The following SPAST variants were observed in gnomAD, a reference collection of about 807,000 sequenced individuals.
SPAST encodes spastin.
In SPAST, 30 loss-of-function variants were observed where a neutral mutation model predicts 76.6. That is an observed-to-expected ratio of 0.39 (90% confidence interval 0.29 to 0.53). SPAST has a LOEUF of 0.53. Among genes scored for constraint, SPAST ranks in the 20% least tolerant of loss-of-function variants. SPAST has a pLI of 0.68. For synonymous variants in SPAST, 305 were observed against 281.0 expected (o/e 1.09, Z -0.86); for missense variants, 717 against 770.5 (o/e 0.93, Z 0.82).
chr2:32,116,900 G>A (rs1678855485), intron 7 of SPAST, among the ~76,000 whole-genome samples: 1 of 152,130 alleles, frequency 6.6e-6, no homozygotes, highest in African/African-American at 2.4e-5. Context: ...CCAGGAGGCA[G>A]AGGTTGCAGT....
At chr2:32,108,389 A>G (rs534513534) in intron 4 of SPAST, among the ~76,000 whole-genome samples, 14 of 152,264 alleles carry the variant, frequency 9.2e-5, no homozygotes, top group Admixed American at 3.9e-4. Context: ...TTCATATACA[A>G]TGCTTTAACT....
chr2:32,092,405 T>G (rs1397412476), intron 3 of SPAST, among the ~76,000 whole-genome samples: 1 of 151,894 alleles, frequency 6.6e-6, no homozygotes, highest in East Asian at 1.9e-4. Flanking sequence ...CAGAATAAAT[T>G]TGATTGTGGA....
chr2:32,088,399 C>G (rs555890082), intron 2 of SPAST, among the ~76,000 whole-genome samples: 1 of 151,818 alleles, frequency 6.6e-6, no homozygotes, highest in Non-Finnish European at 1.5e-5. Context: ...AATCCCAGCA[C>G]TTTGGGAGGC....
intron 3 of SPAST, among the ~76,000 whole-genome samples, chr2:32,097,999 T>TC (rs1677986032): frequency 6.6e-6 from 1 of 151,964 alleles, no homozygotes; most frequent in South Asian, 2.1e-4. Context: ...CGCCTGGCTG[T>TC]CCTTTCTTTT....
chr2:32,097,660 G>A (rs1009470199), intron 3 of SPAST, among the ~76,000 whole-genome samples: 2 of 145,828 alleles, frequency 1.4e-5, no homozygotes, highest in Non-Finnish European at 3.0e-5. Context: ...TTTAAATGCT[G>A]TTCTCCTTCC....
chr2:32,133,816 C>T (rs574710951), intron 9 of SPAST, among the ~76,000 whole-genome samples: 1 of 152,184 alleles, frequency 6.6e-6, no homozygotes, highest in Non-Finnish European at 1.5e-5. Context: ...TTAACTGTCA[C>T]CTCCACTAGA....
chr2:32,111,970 TTAGTAGTAG>T (rs55815291), intron 4 of SPAST, among the ~76,000 whole-genome samples: 1,476 of 141,280 alleles, frequency 0.01, 17 homozygotes, highest in African/African-American at 0.029. Context: ...TATAATTAAG[TTAGTAGTAG>T]TAGTAGTAGT....
chr2:32,080,849 C>T (rs1034900401), intron 1 of SPAST, among the ~76,000 whole-genome samples: 2 of 129,098 alleles, frequency 1.5e-5, no homozygotes, highest in African/African-American at 5.8e-5. Flanking sequence ...AGCTGCAGTG[C>T]CATGGCACGA....
intron 16 of SPAST, among the ~76,000 whole-genome samples, chr2:32,153,191 G>A (rs552628112): frequency 3.9e-5 from 6 of 152,090 alleles, no homozygotes; most frequent in South Asian, 2.1e-4. Flanking sequence ...TTTAAAATAC[G>A]GATAAATACC....
Position 32,147,906 on chromosome 2 carries a change from C to T in SPAST, c.1728+648C>T, listed in dbSNP as rs182106637. Among the ~76,000 whole-genome samples the T allele has an allele frequency of 5.3e-3, 791 of 148,946 alleles. 7 individuals are homozygous for T. Among genetic ancestry groups the T allele is most frequent in the African/African-American group, 0.016 (653 of 40,368 alleles). On this transcript the variant is annotated intron_variant, in intron 16 of 16. Coordinates refer to ENST00000315285, the MANE Select transcript of SPAST (RefSeq NM_014946.4). Reference sequence around the variant, plus strand: ...TCAGCCTCCCAAAGTGCTGGGATTACAGGCGTGAGCCACTGCGCCCGGCCT... The same window carrying T: ...TCAGCCTCCCAAAGTGCTGGGATTATAGGCGTGAGCCACTGCGCCCGGCCT...
Position 32,126,969 on chromosome 2 carries a change from C to A in SPAST, c.1120C>A (p.Pro374Thr), listed in dbSNP as rs1553316810. ...RPELFTGLRA[P>T]ARGLLLFGPP... ...TTAGTTGTTCACAGGGCTTAGAGCT[C>A]CTGCCAGAGGGCTGTTACTCTTTGG... The change falls in exon 8 of 17, where the codon CCT becomes ACT. Residue 374 changes from proline (P) to threonine (T), a missense_variant. By Grantham distance (38) the Pro-to-Thr change is conservative. Around this residue, in one of 3 missense-constraint regions of SPAST, gnomAD observed 78 missense variants for 197.6 expected, o/e 0.39. Coordinates refer to ENST00000315285, the MANE Select transcript of SPAST (RefSeq NM_014946.4). 1 of 1,612,240 alleles carries A rather than the reference C, an allele frequency of 6.2e-7. No homozygotes were observed. The highest frequency in any genetic ancestry group is 8.5e-7 in the Non-Finnish European group (1 of 1,178,382).
At chr2:32,069,992 C>G (rs1192858780) in intron 1 of SPAST, among the ~76,000 whole-genome samples, 1 of 150,732 alleles carries the variant, frequency 6.6e-6, no homozygotes, top group Non-Finnish European at 1.5e-5. Context: ...TTAATGAAAT[C>G]TCGTGTAAAT....
At chr2:32,137,835 G>A (rs901299025) in intron 12 of SPAST, among the ~76,000 whole-genome samples, 2 of 152,062 alleles carry the variant, frequency 1.3e-5, no homozygotes, top group Admixed American at 1.3e-4. Context: ...GTAGTAGTCC[G>A]CAGTGTGTAT....
At chr2:32,107,354 C>T (rs948637615) in intron 4 of SPAST, among the ~76,000 whole-genome samples, 5 of 152,166 alleles carry the variant, frequency 3.3e-5, no homozygotes, top group East Asian at 1.9e-4. Context: ...TGGGTTCAAG[C>T]GATTCTCCCA....
At chr2:32,092,783 G>C (rs1294203083) in intron 3 of SPAST, among the ~76,000 whole-genome samples, 1 of 151,228 alleles carries the variant, frequency 6.6e-6, no homozygotes, top group African/African-American at 2.4e-5. Context: ...CAAGGTGGGC[G>C]GATCACCTGA....
At chr2:32,129,661 TC>T (rs1679306937) in intron 9 of SPAST, 4 of 152,058 alleles carry the variant, frequency 2.6e-5, no homozygotes, top group Admixed American at 6.6e-5. Context: ...GGTTGCCCCC[TC>T]CCCCTCCCAA....
chr2:32,128,173 T>C (rs1183124993), intron 8 of SPAST: 2 of 442,286 alleles, frequency 4.5e-6, no homozygotes, highest in Non-Finnish European at 8.3e-6. Context: ...TTTTGTATTT[T>C]TATTAGAGAT....
At position 32,087,499 on chromosome 2, in the gene SPAST, G is replaced by A. The variant is rs753233534; in HGVS notation, c.423G>A (p.Gln141=). ...LRIDEDEKAG[Q]KEQAVEWYKK... ...TAATTTTTTATTTTAAAGCAGGACA[G>A]AAGGAGCAAGCTGTGGAATGGTATA... is the stretch of plus-strand genomic sequence containing the variant. The change falls in exon 2 of 17, where the codon CAG becomes CAA. Residue 141 remains glutamine (Q), a synonymous_variant. Transcript: ENST00000315285. 2 of 1,601,100 alleles carry A rather than the reference G, an allele frequency of 1.2e-6. No individual in the cohort carries two copies. The highest frequency in any genetic ancestry group is 1.7e-6 in the Non-Finnish European group (2 of 1,169,308).
intron 1 of SPAST, among the ~76,000 whole-genome samples, chr2:32,069,694 C>G (rs894925768): frequency 1.5e-4 from 23 of 151,966 alleles, no homozygotes; most frequent in African/African-American, 5.3e-4. Context: ...GTAGCTGGGA[C>G]TACAGGCGCC....
Sources: allele counts gnomAD v4.1 joint callset (sites outside exome capture counted in the v4.1 genomes callset), GRCh38; gene constraint gnomAD v4.1.1; regional missense constraint gnomAD v4.1.1; transcripts MANE v1.5; gene names NCBI Gene and HGNC (gene_info 2026-07-23, HGNC 2026-07-21).